Variants in MNT observed in about 807,000 individuals in gnomAD.
MNT encodes the protein max-binding protein MNT.
In MNT, 13 loss-of-function variants were observed where a neutral mutation model predicts 40.7. The observed-to-expected ratio is 0.32, with a 90% CI of 0.21 to 0.51. MNT has a LOEUF of 0.51. MNT is among the 20% of genes least tolerant of loss of function. The pLI is 0.98. For missense variants in MNT, 757 were observed against 792.0 expected, an observed-to-expected ratio of 0.96 and a Z score of 0.53; for synonymous variants, 426 against 354.8, an observed-to-expected ratio of 1.20 and a Z score of -2.26.
At chr17:2,398,187 C>CT (rs2066589890) in intron 1 of MNT, among the ~76,000 whole-genome samples, 1 of 152,246 alleles carries the variant, frequency 6.6e-6, no homozygotes, top group East Asian at 1.9e-4. Flanking sequence ...CTGGACACTC[C>CT]AACCAACTCC....
In MNT at chr17:2,387,941, A is replaced by G; in HGVS notation, c.916T>C (p.Trp306Arg). 2.5e-6 allele frequency: 4 copies of G among 1,609,932 alleles called. No individual in the cohort carries two copies. The highest frequency in any genetic ancestry group is 3.4e-6 in the Non-Finnish European group (4 of 1,178,614). Residue 306 changes from tryptophan to arginine, a missense_variant, in exon 5 of 6, where the codon TGG becomes CGG. Around this residue, in one of 4 missense-constraint regions of MNT, gnomAD observed 4 missense variants for 19.7 expected, o/e 0.20. Transcript: ENST00000174618. ...LAELKHELSQWMDVLEIDRVL... is the reference protein window; with the variant it reads ...LAELKHELSQRMDVLEIDRVL... ...CGGTCAATCTCCAGTACGTCCATCC[A>G]CTGGCTCAGCTCGTGCTTGAGCTCT...
At chr17:2,388,675 G>T (rs530178115) in intron 4 of MNT, among the ~76,000 whole-genome samples, 2 of 152,158 alleles carry the variant, frequency 1.3e-5, no homozygotes, top group South Asian at 4.1e-4. Flanking sequence ...TCCCTGGGCT[G>T]AACAACCCCC....
At chr17:2,395,901 G>GT (rs1055207139) in intron 1 of MNT, among the ~76,000 whole-genome samples, 3 of 152,216 alleles carry the variant, frequency 2.0e-5, no homozygotes, top group African/African-American at 7.2e-5. Context: ...ACACCAGAGG[G>GT]GGGGGTGTGC....
chr17:2,393,189 G>T (rs1038332039), intron 4 of MNT, among the ~76,000 whole-genome samples: 2 of 136,200 alleles, frequency 1.5e-5, no homozygotes, highest in Non-Finnish European at 3.2e-5. Context: ...ATCCCCTACG[G>T]CTCCGCGTCT....
chr17:2,393,031 C>A (rs1244005114), intron 4 of MNT, among the ~76,000 whole-genome samples: 2 of 151,978 alleles, frequency 1.3e-5, no homozygotes, highest in Admixed American at 6.6e-5. Context: ...GCGGCTGGCT[C>A]CTCGCGCGCT....
chr17:2,384,597 C>CGTGCGTGCGTGT lies in MNT; in HGVS notation c.*2303_*2304insACACGCACGCAC, dbSNP rs1555610471. ...GAGGTAAGATGTGTGCGTGTGCGTG[C>CGTGCGTGCGTGT]GTGTGTGTGTGTGTGTGTGTGTGTG... On this transcript the variant is annotated 3_prime_UTR_variant, in exon 6 of 6. Coordinates refer to ENST00000174618, the MANE Select transcript of MNT (RefSeq NM_020310.3). 6.9e-6 allele frequency: 1 copy of CGTGCGTGCGTGT among 145,662 alleles called. No homozygotes were observed. The highest frequency in any genetic ancestry group is 1.5e-5 in the Non-Finnish European group (1 of 66,230). The allele number at this position is 145,662 out of a possible 1,614,324, so 9.0% of individuals were successfully genotyped here.
intron 4 of MNT, among the ~76,000 whole-genome samples, chr17:2,389,052 G>A (rs760343552): frequency 2.0e-5 from 3 of 151,474 alleles, no homozygotes; most frequent in Non-Finnish European, 4.4e-5. Flanking sequence ...AACCCCGTCT[G>A]CCCTCATCAC....
intron 1 of MNT, among the ~76,000 whole-genome samples, chr17:2,399,263 C>T (rs1311309683): frequency 6.6e-6 from 1 of 151,914 alleles, no homozygotes; most frequent in Non-Finnish European, 1.5e-5. Flanking sequence ...GGAGGTCTTT[C>T]CCGCCAGCCC....
intron 2 of MNT, 122 bp from the exon 3 acceptor site, chr17:2,394,468 C>G: frequency 1.4e-6 from 2 of 1,446,536 alleles, no homozygotes; most frequent in Non-Finnish European, 1.9e-6. Context: ...TTAAAGCAGA[C>G]TGGGAGACGT....
Position 2,384,871 on chromosome 17 carries a change from G to A in MNT, c.*2030C>T, listed in dbSNP as rs891418101. ...CCCGATGCTGGGGGACAGGGACGGGGAGGGGCAGCGGGTGGATGATGAGGT... is the reference window on the plus strand; with the variant it reads ...CCCGATGCTGGGGGACAGGGACGGGAAGGGGCAGCGGGTGGATGATGAGGT... On this transcript the variant is annotated 3_prime_UTR_variant, in exon 6 of 6. Transcript: ENST00000174618. 6.6e-6 allele frequency: 1 copy of A among 152,666 alleles called. No individual in the cohort carries two copies. The highest frequency in any genetic ancestry group is 2.4e-5 in the African/African-American group (1 of 41,426). 9.5% of individuals were successfully genotyped at this position (152,666 alleles called of 1,614,324 possible).
At position 2,387,541 on chromosome 17, in the gene MNT, G is replaced by C. The variant is rs771916294; in HGVS notation, c.1109C>G (p.Pro370Arg). 6.2e-7 allele frequency: 1 copy of C among 1,613,728 alleles called. No homozygotes were observed. Among genetic ancestry groups the C allele is most frequent in the Non-Finnish European group, 8.5e-7 (1 of 1,179,892 alleles). Reference sequence around the variant, plus strand: ...CAGAGGCGCAGGGGTGGTGCTGGGGGGTGGCAGGGTGGACTTCAGCAGCTC... The same window carrying C: ...CAGAGGCGCAGGGGTGGTGCTGGGGCGTGGCAGGGTGGACTTCAGCAGCTC... ...QPELLKSTLP[P>R]PSTTPAPLPP... The change falls in exon 6 of 6, where the codon CCC (proline) becomes CGC (arginine). Residue 370 changes from proline to arginine, a missense_variant. Around this residue, in one of 4 missense-constraint regions of MNT, gnomAD observed 345 missense variants for 380.1 expected, o/e 0.91. Coordinates refer to ENST00000174618, the MANE Select transcript of MNT (RefSeq NM_020310.3).
intron 1 of MNT, among the ~76,000 whole-genome samples, chr17:2,399,653 G>C (rs2066601385): frequency 6.6e-6 from 1 of 152,002 alleles, no homozygotes; most frequent in Non-Finnish European, 1.5e-5. Context: ...GCCCCGCCCA[G>C]GCCCCGCCCC....
At chr17:2,390,830 G>C (rs911317481) in intron 4 of MNT, 5 of 152,236 alleles carry the variant, frequency 3.3e-5, no homozygotes, top group Non-Finnish European at 7.3e-5. Context: ...AACCCAGGTA[G>C]AACCGTGCTC....
At chr17:2,394,476 C>T (rs2066558884) in intron 2 of MNT, 130 bp from the exon 3 acceptor site, 1 of 1,386,190 alleles carries the variant, frequency 7.2e-7, no homozygotes, top group Non-Finnish European at 1.0e-6. Flanking sequence ...GACTGGGAGA[C>T]GTTCGCCCTG....
At chr17:2,396,834 C>A (rs1255252823) in intron 1 of MNT, 1 of 152,364 alleles carries the variant, frequency 6.6e-6, no homozygotes, top group Admixed American at 6.5e-5. Flanking sequence ...ACAGCCCGGG[C>A]TCGTGGACAC....
chr17:2,400,549 G>C, intron 1 of MNT, 91 bp downstream of exon 1: 1 of 1,300,764 alleles, frequency 7.7e-7, no homozygotes. Context: ...GCCCGGGAGG[G>C]GGCCCTGTCC....
At chr17:2,394,265 G>GCGCGCGCACA (rs749122479) in intron 3 of MNT, 40 bp downstream of exon 3, 1 of 1,487,004 alleles carries the variant, frequency 6.7e-7, no homozygotes, top group South Asian at 1.3e-5. Flanking sequence ...GGTCGCGCGC[G>GCGCGCGCACA]CACGCACGCA....
At position 2,387,412 on chromosome 17, in the gene MNT, G is replaced by A. The variant is rs956522729; in HGVS notation, c.1238C>T (p.Pro413Leu). The part of the protein sequence containing the change: ...PQQKTPLPAP[P>L]PPPAAPAQTL... ...CTGGGCAGGGGCAGCCGGTGGGGGA[G>A]GAGGGGCTGGCAGAGGGGTCTTCTG... The change falls in exon 6 of 6, where the codon CCT becomes CTT. Residue 413 changes from proline (P) to leucine (L), a missense_variant. Pro to Leu is a moderately conservative substitution (Grantham distance 98). This residue lies in a region of MNT where 345 missense variants were observed against 380.1 expected (regional missense o/e 0.91). Coordinates refer to ENST00000174618, the MANE Select transcript of MNT (RefSeq NM_020310.3). The A allele has an allele frequency of 6.2e-7, 1 of 1,611,798 alleles. No homozygotes were observed. Among genetic ancestry groups the A allele is most frequent in the African/African-American group, 1.3e-5 (1 of 74,892 alleles).
chr17:2,393,953 G>A, intron 4 of MNT, 90 bp downstream of exon 4: 1 of 803,558 alleles, frequency 1.2e-6, no homozygotes, highest in South Asian at 3.2e-5. Flanking sequence ...GAGCCGCCGG[G>A]GCGTGAGGGC....
Sources: allele counts gnomAD v4.1 joint callset (sites outside exome capture counted in the v4.1 genomes callset), GRCh38; gene constraint gnomAD v4.1.1; regional missense constraint gnomAD v4.1.1; transcripts MANE v1.5; gene names NCBI Gene and HGNC (gene_info 2026-07-23, HGNC 2026-07-21).